WDR20: variants seen among roughly 807,000 people sequenced by gnomAD.
WDR20 encodes WD repeat-containing protein 20.
WDR20 carries 3 observed loss-of-function variants against 38.7 expected under a neutral mutation model. The ratio of observed to expected loss-of-function variants is 0.08; its 90% confidence interval spans 0.04 to 0.20. WDR20 has a LOEUF of 0.20. Ranked by LOEUF, WDR20 falls within the 10% of genes least tolerant of loss-of-function variation. The probability of loss-of-function intolerance (pLI) is 1.00; values close to 1 mark genes in which losing one functional copy is unlikely to be tolerated. For synonymous variants in WDR20, 298 were observed against 285.6 expected (o/e 1.04, Z -0.44); for missense variants, 559 against 727.7 (o/e 0.77, Z 2.67).
Position 102,210,242 on chromosome 14 carries a change from A to G in WDR20, c.*362A>G. 3 of 1,016,024 alleles carry G rather than the reference A, an allele frequency of 3.0e-6. No individual in the cohort carries two copies. The highest frequency in any genetic ancestry group is 3.5e-6 in the Non-Finnish European group (3 of 848,826). 62.9% of individuals were successfully genotyped at this position (1,016,024 alleles called of 1,614,324 possible). ...TTAAAATTTATGCTTTAACTGGAAT[A>G]TTTTTTGCTTAACTACTCAATTAGA... On this transcript the variant is annotated 3_prime_UTR_variant, in exon 3 of 3. Coordinates refer to ENST00000342702, the MANE Select transcript of WDR20 (RefSeq NM_144574.4).
chr14:102,209,888 C>G lies in WDR20; in HGVS notation c.*8C>G, dbSNP rs1288079827. ...GTAAGTTTTAATCCTTAATGCTGCA[C>G]CAGATCTAGAACTTGAATAGGTAGT... On this transcript the variant is annotated 3_prime_UTR_variant, in exon 3 of 3. Coordinates refer to ENST00000342702, the MANE Select transcript of WDR20 (RefSeq NM_144574.4). This position sits in a 1 kb window ranked among gnomAD's most constrained non-coding sequence, Gnocchi z 6.0. 2 of 1,592,832 alleles carry G rather than the reference C, an allele frequency of 1.3e-6. No homozygotes were observed. The highest frequency in any genetic ancestry group is 2.7e-5 in the African/African-American group (2 of 74,156).
Position 102,220,375 on chromosome 14 carries a change from A to G in WDR20, c.1693-2455A>G, listed in dbSNP as rs1394376074. On this transcript the variant is annotated intron_variant, in intron 3 of 3. Coordinates refer to the WDR20 transcript ENST00000335263. The surrounding 1 kb of genome is among the most constrained non-coding windows in gnomAD (Gnocchi z 4.2). Reference sequence around the variant, plus strand: ...CACACCTCAAAGGCTTCTTACCAAAAAAGTCATTAGTAATTTTTATATTGC... The same window carrying G: ...CACACCTCAAAGGCTTCTTACCAAAGAAGTCATTAGTAATTTTTATATTGC... Among the ~76,000 whole-genome samples, 1 of 152,256 alleles carries G rather than the reference A, an allele frequency of 6.6e-6. No individual in the cohort carries two copies. Among genetic ancestry groups the G allele is most frequent in the Non-Finnish European group, 1.5e-5 (1 of 68,038 alleles).
Position 102,221,730 on chromosome 14 carries a change from G to C in WDR20, c.1693-1100G>C, listed in dbSNP as rs1466554236. Among the ~76,000 whole-genome samples, 1 of 152,198 alleles carries C rather than the reference G, an allele frequency of 6.6e-6. No homozygotes were observed. Among genetic ancestry groups the C allele is most frequent in the Non-Finnish European group, 1.5e-5 (1 of 68,044 alleles). On this transcript the variant is annotated intron_variant, in intron 3 of 3. Coordinates refer to the WDR20 transcript ENST00000335263. The surrounding 1 kb of genome is among the most constrained non-coding windows in gnomAD (Gnocchi z 4.8). The stretch of plus-strand genomic sequence containing the variant: ...GCTTCCGGCAGCAGGGCGTGGGCGA[G>C]GCTGAAGGGCAGTTTCCGATTGTCA...
chr14:102,218,457 A>G (rs1159993158), downstream of WDR20, among the ~76,000 whole-genome samples: 1 of 152,232 alleles, frequency 6.6e-6, no homozygotes, highest in Non-Finnish European at 1.5e-5. Flanking sequence ...TGGCCCTCAC[A>G]GTCCTATCTG....
chr14:102,169,080 ACCT>A (rs1197087338), intron 1 of WDR20, among the ~76,000 whole-genome samples: 1 of 151,858 alleles, frequency 6.6e-6, no homozygotes, highest in Admixed American at 6.6e-5. Flanking sequence ...ATTTGCTGCC[ACCT>A]CCTCCTCATT....
downstream of WDR20, chr14:102,214,187 G>C: frequency 1.0e-6 from 1 of 985,666 alleles, no homozygotes; most frequent in Non-Finnish European, 1.2e-6. Flanking sequence ...CCTCCGGTCT[G>C]GTCTGGGTGA....
In WDR20 at chr14:102,207,031, A is replaced by T. The variant is rs2153006046; in HGVS notation, c.433-1572A>T. ...TGCAGGTCAGGTGCTGTTTATAGGTAGGTCACCAGGCAGGAGGATAAAGAG... is the reference window on the plus strand; with the variant it reads ...TGCAGGTCAGGTGCTGTTTATAGGTTGGTCACCAGGCAGGAGGATAAAGAG... On this transcript the variant is annotated intron_variant, in intron 2 of 2. Transcript: ENST00000342702. The surrounding 1 kb of genome is among the most constrained non-coding windows in gnomAD (Gnocchi z 5.0). Among the ~76,000 whole-genome samples the T allele has an allele frequency of 6.6e-6, 1 of 152,342 alleles. No homozygotes were observed. Among genetic ancestry groups the T allele is most frequent in the South Asian group, 2.1e-4 (1 of 4,830 alleles).
At chr14:102,192,297 A>C (rs535728412) in intron 1 of WDR20, among the ~76,000 whole-genome samples, 2 of 151,114 alleles carry the variant, frequency 1.3e-5, no homozygotes, top group Non-Finnish European at 2.9e-5. Context: ...CTCCTGTCTC[A>C]GCCTCCCGAG....
chr14:102,170,207 A>G (rs757465116), intron 1 of WDR20, among the ~76,000 whole-genome samples: 13 of 152,212 alleles, frequency 8.5e-5, no homozygotes, highest in Admixed American at 2.6e-4. Flanking sequence ...TGCCTGTACA[A>G]TATCCCATTG....
chr14:102,221,454 C>T lies in WDR20; in HGVS notation c.1693-1376C>T, dbSNP rs1226337245. Among the ~76,000 whole-genome samples the T allele has an allele frequency of 2.0e-5, 3 of 152,204 alleles. No homozygotes were observed. The highest frequency in any genetic ancestry group is 7.2e-5 in the African/African-American group (3 of 41,462). The stretch of plus-strand genomic sequence containing the variant: ...CTGCGGCAGAAGTGGGGTCAGGAAC[C>T]TGCTGCCCAGCTTTCCTCCACAGGC... On this transcript the variant is annotated intron_variant, in intron 3 of 3. Transcript: ENST00000335263. The surrounding 1 kb of genome is among the most constrained non-coding windows in gnomAD (Gnocchi z 4.8).
intron 1 of WDR20, among the ~76,000 whole-genome samples, chr14:102,174,764 A>G (rs2061707767): frequency 1.3e-5 from 2 of 152,166 alleles, no homozygotes; most frequent in African/African-American, 2.4e-5. Context: ...GTAAGGTTGT[A>G]TCATATTGTG....
At position 102,209,205 on chromosome 14, in the gene WDR20, A is replaced by G; in HGVS notation, c.1035A>G (p.Ala345=). The G allele has an allele frequency of 1.2e-6, 2 of 1,614,210 alleles. No individual in the cohort carries two copies. Among genetic ancestry groups the G allele is most frequent in the Non-Finnish European group, 1.7e-6 (2 of 1,180,044 alleles). ...QDLLHFGRDR[A]NSTQSRLSKR... ...TTCTTCATTTTGGCAGAGATCGAGC[A>G]AATAGTACACAGTCCAGGCTCTCCA... The change falls in exon 3 of 3, where the codon GCA becomes GCG. Residue 345 remains alanine, a synonymous_variant. Transcript: ENST00000342702. The surrounding 1 kb of genome is among the most constrained non-coding windows in gnomAD (Gnocchi z 6.0).
In WDR20 at chr14:102,208,117, A is replaced by G. The variant is rs1188637865; in HGVS notation, c.433-486A>G. ...GCAGAGGGGCAGATGGAACCAGCCC[A>G]TTACCTACAGTGACAGTAAAGGCAG... On this transcript the variant is annotated intron_variant, in intron 2 of 2. Coordinates refer to ENST00000342702, the MANE Select transcript of WDR20 (RefSeq NM_144574.4). The surrounding 1 kb of genome is among the most constrained non-coding windows in gnomAD (Gnocchi z 5.6). Among the ~76,000 whole-genome samples the G allele has an allele frequency of 1.3e-5, 2 of 152,218 alleles. No individual in the cohort carries two copies. Among genetic ancestry groups the G allele is most frequent in the Non-Finnish European group, 2.9e-5 (2 of 68,042 alleles).
At position 102,222,959 on chromosome 14, in the gene WDR20, C is replaced by T; in HGVS notation, c.*76C>T. ...GACGAGGAGGAGCTCCGAGCTGCGC[C>T]TGAGCCGTGCCAGCCGGCGGACCTC... On this transcript the variant is annotated 3_prime_UTR_variant, in exon 4 of 4. Transcript: ENST00000335263. The surrounding 1 kb of genome is among the most constrained non-coding windows in gnomAD (Gnocchi z 4.4). 3 of 1,580,716 alleles carry T rather than the reference C, an allele frequency of 1.9e-6. No homozygotes were observed. The highest frequency in any genetic ancestry group is 2.6e-6 in the Non-Finnish European group (3 of 1,152,686).
intron 1 of WDR20, among the ~76,000 whole-genome samples, chr14:102,164,196 C>G (rs1168376866): frequency 6.6e-6 from 1 of 151,682 alleles, no homozygotes; most frequent in Non-Finnish European, 1.5e-5. Flanking sequence ...GAGCCTCTAC[C>G]CTTAGACTCA....
rs2153064818 is a variant in WDR20 at position 102,220,250 on chromosome 14, G to A, written c.1693-2580G>A. Among the ~76,000 whole-genome samples, 1 of 152,272 alleles carries A rather than the reference G, an allele frequency of 6.6e-6. No individual in the cohort carries two copies. The highest frequency in any genetic ancestry group is 2.1e-4 in the South Asian group (1 of 4,826). On this transcript the variant is annotated intron_variant, in intron 3 of 3. Coordinates refer to the WDR20 transcript ENST00000335263. This position sits in a 1 kb window ranked among gnomAD's most constrained non-coding sequence, Gnocchi z 4.2. Reference sequence around the variant, plus strand: ...TCAGTGAGAGGAAGTCTAAGGAAGGGTGCTGTCCCTCATGGCCGTCAGAAG... The same window carrying A: ...TCAGTGAGAGGAAGTCTAAGGAAGGATGCTGTCCCTCATGGCCGTCAGAAG...
At chr14:102,192,430 C>T (rs768301952) in intron 1 of WDR20, among the ~76,000 whole-genome samples, 23 of 152,204 alleles carry the variant, frequency 1.5e-4, no homozygotes, top group African/African-American at 5.1e-4. Flanking sequence ...CCACCCGCCT[C>T]AGCCTCCCAA....
chr14:102,222,869 G>T lies in WDR20; in HGVS notation c.1732G>T (p.Gly578Ter). 6.2e-7 allele frequency: 1 copy of T among 1,614,208 alleles called. No homozygotes were observed. The highest frequency in any genetic ancestry group is 8.5e-7 in the Non-Finnish European group (1 of 1,180,024). The stretch of plus-strand genomic sequence containing the variant: ...CCCAAGCCAGGCCAGTTCTCCAGGT[G>T]GAACTGTAGTGTAGCGACCTCACTG... Residue 578 changes from glycine to a stop codon, truncating the protein, a stop_gained, in exon 4 of 4, where the codon GGA becomes TGA. Transcript: ENST00000335263. LOFTEE classifies it high-confidence loss of function. The surrounding 1 kb of genome is among the most constrained non-coding windows in gnomAD (Gnocchi z 4.4).
chr14:102,218,120 G>A (rs778573905), downstream of WDR20, among the ~76,000 whole-genome samples: 1 of 152,248 alleles, frequency 6.6e-6, no homozygotes, highest in Non-Finnish European at 1.5e-5. Context: ...GGAGAGAAGC[G>A]CTAGTCTGCC....
Sources: allele counts gnomAD v4.1 joint callset (sites outside exome capture counted in the v4.1 genomes callset), GRCh38; gene constraint gnomAD v4.1.1; non-coding constraint Gnocchi (gnomAD v3.1); transcripts MANE v1.5; gene names NCBI Gene and HGNC (gene_info 2026-07-23, HGNC 2026-07-21).